DLAT: variants seen among roughly 807,000 people sequenced by gnomAD.
DLAT encodes the protein dihydrolipoyllysine-residue acetyltransferase component of pyruvate dehydrogenase complex, mitochondrial.
A neutral mutation model predicts 68.0 loss-of-function variants in DLAT; 43 were observed. The ratio of observed to expected loss-of-function variants is 0.63; its 90% CI spans 0.50 to 0.81. DLAT has a LOEUF of 0.81. Among genes scored for constraint, DLAT ranks in the 40% least tolerant of loss-of-function variants. The pLI is 0.00. For missense variants in DLAT, 745 were observed against 815.4 expected (o/e 0.91, Z 1.05); for synonymous variants, 265 against 288.6 (o/e 0.92, Z 0.83).
At chr11:112,044,367 G>A (rs587773109) in intron 8 of DLAT, among the ~76,000 whole-genome samples, 58 of 152,122 alleles carry the variant, frequency 3.8e-4, no homozygotes, top group African/African-American at 1.3e-3. Context: ...GCTAATTTTC[G>A]TATGTTTAGT....
At chr11:112,033,609 G>A in intron 5 of DLAT, 79 bp downstream of exon 5, 2 of 1,509,168 alleles carry the variant, frequency 1.3e-6, no homozygotes, top group Admixed American at 1.8e-5. Context: ...TTCCTATAAT[G>A]AGTGAGTGAT....
intron 5 of DLAT, among the ~76,000 whole-genome samples, chr11:112,036,201 GTTTTTTTTTT>G (rs1167345612): frequency 1.5e-3 from 56 of 36,448 alleles, no homozygotes; most frequent in Non-Finnish European, 1.8e-3. Context: ...GTGTGTGTGT[GTTTTTTTTTT>G]TTTTTTTTTT....
chr11:112,060,113 C>A, intron 12 of DLAT, 48 bp downstream of exon 12: 7 of 1,466,522 alleles, frequency 4.8e-6, no homozygotes, highest in Non-Finnish European at 6.6e-6. Context: ...TTAAGGTTTG[C>A]ATAATGCATT....
Position 112,062,610 on chromosome 11 carries a change from A to G in DLAT, c.*75A>G. ...ACAAGATATTTATATGTTATTAAAC[A>G]GGTGGTTCTTTTTATTTTAACCAGT... On this transcript the variant is annotated 3_prime_UTR_variant, in exon 14 of 14. Transcript: ENST00000280346. 5 of 1,517,714 alleles carry G rather than the reference A, an allele frequency of 3.3e-6. No homozygotes were observed. The African/African-American group carries it at 4.1e-5, about 13-fold the overall frequency. 94.0% of individuals were successfully genotyped at this position (1,517,714 alleles called of 1,614,324 possible).
intron 4 of DLAT, among the ~76,000 whole-genome samples, chr11:112,029,465 G>A (rs1462259738): frequency 3.3e-5 from 5 of 152,202 alleles, no homozygotes; most frequent in South Asian, 2.1e-4. Flanking sequence ...GAAGGGTGGT[G>A]TGTCCCATGA....
In DLAT at chr11:112,051,115, C is replaced by A; in HGVS notation, c.1399-119C>A. The A allele has an allele frequency of 2.9e-6, 2 of 685,670 alleles. No homozygotes were observed. The highest frequency in any genetic ancestry group is 4.9e-6 in the Non-Finnish European group (2 of 408,688). The allele number at this position is 685,670 out of a possible 1,614,324, so 42.5% of individuals were successfully genotyped here. On this transcript the variant is annotated intron_variant, in intron 10 of 13. Transcript: ENST00000280346. The surrounding 1 kb of genome is among the most constrained non-coding windows in gnomAD (Gnocchi z 4.3). ...GTGATGGGTTGACAGGTGCAGCAAA[C>A]CACCATGGCACATGTTTACCTATAT...
intron 8 of DLAT, 92 bp downstream of exon 8, chr11:112,043,625 C>A: frequency 8.9e-7 from 1 of 1,121,368 alleles, no homozygotes; most frequent in Non-Finnish European, 1.4e-6. Flanking sequence ...AATAGCTCAA[C>A]CAAGATTGTT....
rs115669284 is a variant in DLAT, at chr11:112,033,119, G to A, written c.661-285G>A. On this transcript the variant is annotated intron_variant, in intron 4 of 13. Transcript: ENST00000280346. ...AAGATGCTCCATACTTAGATGTTGA[G>A]AAATTAATTTTGACTGTCTGAAAGA... 0.014 allele frequency among the ~76,000 whole-genome samples: 2,160 copies of A among 152,242 alleles called. 55 individuals are homozygous for A. Among genetic ancestry groups the A allele is most frequent in the African/African-American group, 0.049 (2,047 of 41,544 alleles).
chr11:112,025,592 G>A lies in DLAT; in HGVS notation c.120G>A (p.Pro40=), dbSNP rs1281828372. Residue 40 remains proline, a synonymous_variant, in exon 1 of 14, where the codon CCG becomes CCA. Coordinates refer to ENST00000280346, the MANE Select transcript of DLAT (RefSeq NM_001931.5). ...CACGAGTGACCTCGCGATCTGGCCC[G>A]GCTCCCGCTCGTCGCAACAGCGTGA... is the stretch of plus-strand genomic sequence containing the variant. ...GTPRVTSRSG[P]APARRNSVTT... 1 of 1,613,854 alleles carries A rather than the reference G, an allele frequency of 6.2e-7. No homozygotes were observed.
intron 11 of DLAT, among the ~76,000 whole-genome samples, chr11:112,054,178 T>C (rs996418283): frequency 1.3e-5 from 2 of 150,348 alleles, no homozygotes; most frequent in Admixed American, 6.6e-5. Context: ...TAGCTAGGTA[T>C]GGTGGTGCGC....
intron 11 of DLAT, among the ~76,000 whole-genome samples, chr11:112,058,307 C>G (rs587725406): frequency 2.0e-4 from 30 of 152,306 alleles, no homozygotes; most frequent in Non-Finnish European, 3.7e-4. Context: ...ACCTTGGCTA[C>G]AGTTCTGTGG....
chr11:112,038,762 C>G (rs963213794), intron 6 of DLAT, among the ~76,000 whole-genome samples: 4 of 151,646 alleles, frequency 2.6e-5, no homozygotes, highest in African/African-American at 9.7e-5. Context: ...AGGAGAATTG[C>G]TTGAACCCAG....
At position 112,028,610 on chromosome 11, in the gene DLAT, C is replaced by G; in HGVS notation, c.477C>G (p.Ile159Met). 6.2e-7 allele frequency: 1 copy of G among 1,614,082 alleles called. No homozygotes were observed. Among genetic ancestry groups the G allele is most frequent in the East Asian group, 2.2e-5 (1 of 44,884 alleles). Residue 159 changes from isoleucine to methionine, a missense_variant, in exon 3 of 14, where the codon ATC becomes ATG. Physicochemically the swap from Ile to Met is conservative, Grantham distance 10. Coordinates refer to ENST00000280346, the MANE Select transcript of DLAT (RefSeq NM_001931.5). Reference sequence around the variant, plus strand: ...CTGAAGGTACCAGGGATGTTCCCATCGGAGCGATCATCTGTATCACAGTTG... The same window carrying G: ...CTGAAGGTACCAGGGATGTTCCCATGGGAGCGATCATCTGTATCACAGTTG... ...LVAEGTRDVP[I>M]GAIICITVGK...
intron 4 of DLAT, among the ~76,000 whole-genome samples, chr11:112,031,402 C>T (rs1186479558): frequency 6.6e-6 from 1 of 151,784 alleles, no homozygotes; most frequent in Non-Finnish European, 1.5e-5. Flanking sequence ...CTTTTTTTAC[C>T]CCTGGTTTTT....
intron 7 of DLAT, among the ~76,000 whole-genome samples, chr11:112,042,921 T>G (rs1490292678): frequency 6.6e-6 from 1 of 152,258 alleles, no homozygotes; most frequent in African/African-American, 2.4e-5. Context: ...ATTCGTGCTA[T>G]TTTGGGGTGA....
At chr11:112,061,200 C>G in intron 13 of DLAT, 26 bp downstream of exon 13, 1 of 1,613,446 alleles carries the variant, frequency 6.2e-7, no homozygotes, top group Non-Finnish European at 8.5e-7. Flanking sequence ...GAGGGGAAGT[C>G]GTAAGCTAAT....
At chr11:112,040,039 A>G (rs1433904065) in intron 7 of DLAT, among the ~76,000 whole-genome samples, 3 of 152,240 alleles carry the variant, frequency 2.0e-5, no homozygotes, top group Non-Finnish European at 4.4e-5. Context: ...GAGGTACTGT[A>G]CATCGTATAG....
rs781817825 is a variant in DLAT, at chr11:112,028,610, C to T, written c.477C>T (p.Ile159=). Residue 159 remains isoleucine, a synonymous_variant, in exon 3 of 14, where the codon ATC becomes ATT. Coordinates refer to ENST00000280346, the MANE Select transcript of DLAT (RefSeq NM_001931.5). ...LVAEGTRDVP[I]GAIICITVGK... Reference sequence around the variant, plus strand: ...CTGAAGGTACCAGGGATGTTCCCATCGGAGCGATCATCTGTATCACAGTTG... The same window carrying T: ...CTGAAGGTACCAGGGATGTTCCCATTGGAGCGATCATCTGTATCACAGTTG... 10 of 1,613,964 alleles carry T rather than the reference C, an allele frequency of 6.2e-6. No individual in the cohort carries two copies. The highest frequency in any genetic ancestry group is 2.2e-5 in the East Asian group (1 of 44,896).
At chr11:112,046,938 T>C (rs1438759457) in intron 10 of DLAT, among the ~76,000 whole-genome samples, 2 of 152,258 alleles carry the variant, frequency 1.3e-5, no homozygotes, top group Non-Finnish European at 2.9e-5. Flanking sequence ...TATGTGTGCA[T>C]GTGTCTTTAT....
Sources: allele counts gnomAD v4.1 joint callset (sites outside exome capture counted in the v4.1 genomes callset), GRCh38; gene constraint gnomAD v4.1.1; non-coding constraint Gnocchi (gnomAD v3.1); transcripts MANE v1.5; gene names NCBI Gene and HGNC (gene_info 2026-07-23, HGNC 2026-07-21).